The following RFK variants were observed in gnomAD, a reference collection of about 807,000 sequenced individuals.
The protein encoded by RFK is riboflavin kinase, also known as 0610038L10Rik.
RFK carries 4 observed loss-of-function variants against 17.6 expected under a neutral mutation model. The observed-to-expected ratio is 0.23, with a 90% CI of 0.11 to 0.52. The LOEUF is 0.52. RFK is among the 20% of genes least tolerant of loss of function. RFK has a pLI of 0.96. For synonymous variants in RFK, 59 were observed against 63.8 expected (o/e 0.92, Z 0.36); for missense variants, 189 against 187.7 (o/e 1.01, Z -0.04).
Position 76,394,298 on chromosome 9 carries a change from G to C in RFK, c.-127C>G. ...CGTGAGCTCTGCCTGCCGCGGGGGC[G>C]CACCAGTGGCCGGACGACGCCGACC... On this transcript the variant is annotated 5_prime_UTR_variant, in exon 1 of 4. Transcript: ENST00000376736. 1.2e-6 allele frequency: 1 copy of C among 865,294 alleles called. No homozygotes were observed. Among genetic ancestry groups the C allele is most frequent in the Non-Finnish European group, 1.7e-6 (1 of 595,912 alleles). The allele number at this position is 865,294 out of a possible 1,614,324, so 53.6% of individuals were successfully genotyped here. A position where few individuals can be genotyped will look rare whatever the true frequency, so the allele number is the denominator to read the frequency against.
At chr9:76,391,744 T>A (rs1382276198) in intron 2 of RFK, among the ~76,000 whole-genome samples, 2 of 152,214 alleles carry the variant, frequency 1.3e-5, no homozygotes, top group African/African-American at 4.8e-5. Flanking sequence ...TAATCTTTGT[T>A]ATTGGGTACC....
At chr9:76,392,364 A>T (rs1360665255) in intron 2 of RFK, 54 bp downstream of exon 2, 16 of 1,572,456 alleles carry the variant, frequency 1.0e-5, no homozygotes, top group East Asian at 2.2e-5. Flanking sequence ...ACTGTAATAT[A>T]TTATTCTAAG....
chr9:76,388,706 A>T, intron 2 of RFK, 50 bp from the exon 3 acceptor site: 3 of 979,308 alleles, frequency 3.1e-6, no homozygotes, highest in Non-Finnish European at 4.8e-6. Context: ...CAGTGTACTG[A>T]AATCTGAAAT....
At chr9:76,392,631 G>A in intron 1 of RFK, 62 bp from the exon 2 acceptor site, 1 of 1,510,918 alleles carries the variant, frequency 6.6e-7, no homozygotes, top group South Asian at 1.1e-5. Flanking sequence ...CTGTAGCCGA[G>A]TGCAGTGGCT....
intron 2 of RFK, among the ~76,000 whole-genome samples, chr9:76,390,024 T>G (rs1822796844): frequency 6.6e-6 from 1 of 152,112 alleles, no homozygotes; most frequent in African/African-American, 2.4e-5. Context: ...TATCAAGACC[T>G]ATGATAAGAC....
At chr9:76,388,799 G>A (rs1389331685) in intron 2 of RFK, 143 bp from the exon 3 acceptor site, 2 of 548,294 alleles carry the variant, frequency 3.6e-6, no homozygotes, top group Non-Finnish European at 6.3e-6. Flanking sequence ...TAAAATCTAA[G>A]TGCAGTTTTT....
Position 76,394,392 on chromosome 9 carries a change from T to G in RFK, c.-221A>C. 1 of 462,688 alleles carries G rather than the reference T, an allele frequency of 2.2e-6. No homozygotes were observed. 28.7% of individuals were successfully genotyped at this position (462,688 alleles called of 1,614,324 possible). ...CGCCGGGCGCCTGAGGAGCTGCGTC[T>G]CCGCTGGAGGGCAGCGGAGACAGCC... On this transcript the variant is annotated 5_prime_UTR_variant, in exon 1 of 4. Transcript: ENST00000376736.
chr9:76,386,494 T>C lies in RFK; in HGVS notation c.*905A>G, dbSNP rs1167916908. 1 of 152,098 alleles carries C rather than the reference T, an allele frequency of 6.6e-6. No homozygotes were observed. Among genetic ancestry groups the C allele is most frequent in the Non-Finnish European group, 1.5e-5 (1 of 68,040 alleles). The allele number at this position is 152,098 out of a possible 1,614,324, so 9.4% of individuals were successfully genotyped here. A position where few individuals can be genotyped will look rare whatever the true frequency, so the allele number is the denominator to read the frequency against. On this transcript the variant is annotated 3_prime_UTR_variant, in exon 4 of 4. Coordinates refer to ENST00000376736, the MANE Select transcript of RFK (RefSeq NM_018339.6). The stretch of plus-strand genomic sequence containing the variant: ...TGAGAAAACCTAAGGATGAAGTCTG[T>C]TGTTTTGTTTTTCCTAAAAAAGGAA...
At chr9:76,388,423 C>A in intron 3 of RFK, 131 bp downstream of exon 3, 2 of 672,114 alleles carry the variant, frequency 3.0e-6, no homozygotes, top group Non-Finnish European at 5.3e-6. Flanking sequence ...ACGTAAAGCA[C>A]TTAAAACGGT....
At chr9:76,388,684 G>A in intron 2 of RFK, 28 bp from the exon 3 acceptor site, 1 of 1,315,236 alleles carries the variant, frequency 7.6e-7, no homozygotes, top group Middle Eastern at 1.8e-4. Context: ...TACAAAGAGT[G>A]CTATCAGACT....
At position 76,392,505 on chromosome 9, in the gene RFK, A is replaced by G. The variant is rs577699593; in HGVS notation, c.147T>C (p.Gly49=). Residue 49 remains glycine (G), a synonymous_variant, in exon 2 of 4, where the codon GGT becomes GGC. Transcript: ENST00000376736. ...CATCTCCACTTCCAACACTGGCCCA[A>G]CCATAGTAAATACCAGTGGATATAT... ...PADISTGIYY[G]WASVGSGDVH... 111 of 1,614,184 alleles carry G rather than the reference A, an allele frequency of 6.9e-5. No homozygotes were observed. In the East Asian group the frequency reaches 2.2e-3, roughly 32 times the overall value.
rs1378899388 is a variant in RFK, at chr9:76,392,993, G to GT, written c.83-425dup. On this transcript the variant is annotated intron_variant, in intron 1 of 3. Coordinates refer to ENST00000376736, the MANE Select transcript of RFK (RefSeq NM_018339.6). The stretch of plus-strand genomic sequence containing the variant: ...TCACAAGACTCCTACAACTTTGCCT[G>GT]TAAGTATCAATCCCATCCTTCCATT... Among the ~76,000 whole-genome samples the GT allele has an allele frequency of 2.6e-5, 4 of 152,142 alleles. No individual in the cohort carries two copies. The East Asian group carries it at 7.7e-4, about 29-fold the overall frequency.
intron 1 of RFK, chr9:76,393,784 G>A (rs1822851687): frequency 2.3e-6 from 1 of 431,020 alleles, no homozygotes; most frequent in Admixed American, 4.1e-5. Flanking sequence ...CAAGCGCAAT[G>A]CTTGACCAAC....
At chr9:76,392,288 T>C in intron 2 of RFK, 130 bp downstream of exon 2, 6 of 867,788 alleles carry the variant, frequency 6.9e-6, no homozygotes, top group Non-Finnish European at 1.1e-5. Flanking sequence ...AAGACAGAGA[T>C]TGCCCAAAAT....
chr9:76,389,325 G>A (rs896150044), intron 2 of RFK, among the ~76,000 whole-genome samples: 3 of 152,172 alleles, frequency 2.0e-5, no homozygotes, highest in South Asian at 4.1e-4. Flanking sequence ...ACTAGCTTCC[G>A]CGGGGCTCAG....
rs1822864243 is a variant in RFK at position 76,394,365 on chromosome 9, AC to A, written c.-195del. The A allele has an allele frequency of 2.5e-6, 1 of 407,380 alleles. No individual in the cohort carries two copies. The highest frequency in any genetic ancestry group is 4.3e-6 in the Non-Finnish European group (1 of 231,330). The allele number at this position is 407,380 out of a possible 1,614,324, so 25.2% of individuals were successfully genotyped here. On this transcript the variant is annotated 5_prime_UTR_variant, in exon 1 of 4. Transcript: ENST00000376736. ...CCCTGACGCCGCCGACCCAACAAATACCGCCGGGCGCCTGAGGAGCTGCGTC... is the reference window on the plus strand; with the variant it reads ...CCCTGACGCCGCCGACCCAACAAATACGCCGGGCGCCTGAGGAGCTGCGTC...
chr9:76,388,263 C>A (rs1258677684), intron 3 of RFK: 2 of 536,672 alleles, frequency 3.7e-6, no homozygotes, highest in East Asian at 9.3e-5. Flanking sequence ...AACTTCATAC[C>A]GCTGGAGAGA....
intron 2 of RFK, among the ~76,000 whole-genome samples, chr9:76,388,861 G>T (rs1822778145): frequency 6.6e-6 from 1 of 152,162 alleles, no homozygotes; most frequent in Admixed American, 6.5e-5. Flanking sequence ...AACTGAGTGA[G>T]GTGACAGTGT....
In RFK at chr9:76,387,500, T is replaced by A; in HGVS notation, c.367A>T (p.Ile123Phe). ...ESLISAIQGD[I>F]EEAKKRLELP... The stretch of plus-strand genomic sequence containing the variant: ...TCTAGTCGTTTCTTAGCTTCTTCAA[T>A]ATCACCTTGAATTGCTGAAATAAGT... Residue 123 changes from isoleucine to phenylalanine, a missense_variant, in exon 4 of 4, where the codon ATT (isoleucine) becomes TTT (phenylalanine). Coordinates refer to ENST00000376736, the MANE Select transcript of RFK (RefSeq NM_018339.6). The A allele has an allele frequency of 6.2e-7, 1 of 1,611,554 alleles. No individual in the cohort carries two copies. Among genetic ancestry groups the A allele is most frequent in the Non-Finnish European group, 8.5e-7 (1 of 1,179,440 alleles).
Sources: gnomAD v4.1 joint callset for allele counts (sites outside exome capture counted in the v4.1 genomes callset) on GRCh38, gnomAD v4.1.1 for gene constraint, MANE v1.5 for transcripts, NCBI Gene and HGNC (gene_info 2026-07-23, HGNC 2026-07-21) for gene names.